Variants in NOL9 observed in about 807,000 individuals in gnomAD.
NOL9 encodes nucleolar protein 9.
Under a neutral mutation model 67.9 loss-of-function variants are expected in NOL9, and 28 were observed. The ratio of observed to expected loss-of-function variants is 0.41; its 90% CI spans 0.31 to 0.57. The LOEUF is 0.57. Among genes scored for constraint, NOL9 ranks in the 20% least tolerant of loss-of-function variants. The pLI is 0.25. For missense variants in NOL9, 777 were observed against 897.0 expected (o/e 0.87, Z 1.71); for synonymous variants, 356 against 352.2 (o/e 1.01, Z -0.12).
intron 5 of NOL9, among the ~76,000 whole-genome samples, chr1:6,544,544 C>CGCACGTACA (rs61278197): frequency 8.4e-6 from 1 of 118,666 alleles, no homozygotes; most frequent in Non-Finnish European, 1.6e-5. Context: ...CACACACGCA[C>CGCACGTACA]CCCCCCCCCG....
chr1:6,532,472 G>A lies in NOL9; in HGVS notation c.1526C>T (p.Pro509Leu), dbSNP rs762463377. The A allele has an allele frequency of 6.2e-7, 1 of 1,605,746 alleles. No homozygotes were observed. Among genetic ancestry groups the A allele is most frequent in the Non-Finnish European group, 8.5e-7 (1 of 1,174,014 alleles). Residue 509 changes from proline (P) to leucine (L), a missense_variant, in exon 8 of 12, where the codon CCA (proline) becomes CTA (leucine). Around this residue, in one of 2 missense-constraint regions of NOL9, gnomAD observed 413 missense variants for 552.6 expected, o/e 0.75. Coordinates refer to ENST00000377705, the MANE Select transcript of NOL9 (RefSeq NM_024654.5). ...VYTDFAFRIT[P>L]RNRESHNKIL... ...AATGAGGGTTAGTTACCTATTTCTTGGAGTTATTCTGAATGCAAAGTCTGT... is the reference window on the plus strand; with the variant it reads ...AATGAGGGTTAGTTACCTATTTCTTAGAGTTATTCTGAATGCAAAGTCTGT...
intron 5 of NOL9, among the ~76,000 whole-genome samples, chr1:6,542,509 G>A (rs1253525009): frequency 2.0e-5 from 3 of 149,532 alleles, no homozygotes; most frequent in African/African-American, 7.4e-5. Flanking sequence ...CCAGGTTGGA[G>A]TGCAGTGGCG....
At chr1:6,526,281 T>A (rs1468766314) in intron 11 of NOL9, among the ~76,000 whole-genome samples, 2 of 152,158 alleles carry the variant, frequency 1.3e-5, no homozygotes, top group East Asian at 3.9e-4. Flanking sequence ...TGAGGGACAC[T>A]GGAGGATGAG....
At chr1:6,540,754 A>C (rs1639268174) in intron 6 of NOL9, 1 of 151,952 alleles carries the variant, frequency 6.6e-6, no homozygotes, top group African/African-American at 2.4e-5. Context: ...CGAACTCAGG[A>C]GGCGGGGGTT....
rs1403015239 is a variant in NOL9, at chr1:6,521,652, C to T, written c.*4202G>A. ...TCTTTGACCACAGGAAGCTTGGTAG[C>T]AACAATTTTAAGGTGAACCTGCCAG... On this transcript the variant is annotated 3_prime_UTR_variant, in exon 12 of 12. Coordinates refer to ENST00000377705, the MANE Select transcript of NOL9 (RefSeq NM_024654.5). 6.6e-6 allele frequency: 1 copy of T among 152,198 alleles called. No individual in the cohort carries two copies. The highest frequency in any genetic ancestry group is 1.5e-5 in the Non-Finnish European group (1 of 68,032). The allele number at this position is 152,198 out of a possible 1,614,324, so 9.4% of individuals were successfully genotyped here.
intron 6 of NOL9, among the ~76,000 whole-genome samples, chr1:6,537,785 A>C (rs1415021824): frequency 1.3e-5 from 2 of 152,126 alleles, no homozygotes; most frequent in Non-Finnish European, 2.9e-5. Flanking sequence ...TCCTTACACT[A>C]TATGAAAATA....
At chr1:6,542,104 G>A (rs1271903598) in intron 5 of NOL9, among the ~76,000 whole-genome samples, 177 bp from the exon 6 acceptor site, 1 of 151,414 alleles carries the variant, frequency 6.6e-6, no homozygotes, top group Non-Finnish European at 1.5e-5. Flanking sequence ...CCAGAGAAAC[G>A]CAGTGCAGGC....
At chr1:6,532,384 G>T in intron 8 of NOL9, 79 bp downstream of exon 8, 3 of 1,341,894 alleles carry the variant, frequency 2.2e-6, no homozygotes, top group East Asian at 2.3e-5. Flanking sequence ...GAGGACTCAG[G>T]CCTTTAGAGG....
At chr1:6,538,780 C>T (rs919776599) in intron 6 of NOL9, among the ~76,000 whole-genome samples, 3 of 152,040 alleles carry the variant, frequency 2.0e-5, no homozygotes, top group African/African-American at 2.4e-5. Flanking sequence ...GCCAGGAGTT[C>T]GAGACCAGCC....
intron 1 of NOL9, among the ~76,000 whole-genome samples, chr1:6,550,825 A>G (rs1639530168): frequency 6.6e-6 from 1 of 151,956 alleles, no homozygotes; most frequent in Admixed American, 6.6e-5. Flanking sequence ...CTGGGATTAC[A>G]GGTAAGTGTC....
chr1:6,536,345 CAAATA>C (rs70981383), intron 6 of NOL9, among the ~76,000 whole-genome samples: 120,739 of 149,858 alleles, frequency 0.81, 49,504 homozygotes, highest in Non-Finnish European at 0.87. Context: ...GACTCCGTCT[CAAATA>C]AAATAAAATA....
rs1249963593 is a variant in NOL9, at chr1:6,550,631, A to G, written c.397-16T>C. The G allele has an allele frequency of 1.9e-6, 3 of 1,571,776 alleles. No individual in the cohort carries two copies. Among genetic ancestry groups the G allele is most frequent in the Non-Finnish European group, 1.8e-6 (2 of 1,142,486 alleles). The stretch of plus-strand genomic sequence containing the variant: ...AAGTAAAACCCTAGCAGGGAGAGAA[A>G]ACAGAAAAAACATTATAGATCATGT... On this transcript the variant is annotated splice_polypyrimidine_tract_variant and intron_variant, in intron 1 of 11. Transcript: ENST00000377705.
chr1:6,548,381 A>C, intron 3 of NOL9: 1 of 202,604 alleles, frequency 4.9e-6, no homozygotes, highest in South Asian at 9.2e-5. Flanking sequence ...TCCTAACCTG[A>C]AGTGATCTGC....
chr1:6,554,483 A>T lies in NOL9; in HGVS notation c.20T>A (p.Leu7Gln). The T allele has an allele frequency of 1.3e-6, 2 of 1,543,472 alleles. No individual in the cohort carries two copies. The highest frequency in any genetic ancestry group is 1.7e-6 in the Non-Finnish European group (2 of 1,158,176). MADSGL[L>Q]LKRGSCRSTW... is the part of the protein sequence containing the mutation. ...GGAACGGCAGGAACCCCGCTTTAGC[A>T]GCAGTCCCGAGTCCGCCATGCTGGG... The change falls in exon 1 of 12, where the codon CTG (leucine) becomes CAG (glutamine). Residue 7 changes from leucine (L) to glutamine (Q), a missense_variant. Physicochemically the swap from Leu to Gln is moderately radical, Grantham distance 113. This residue lies in a region of NOL9 where 364 missense variants were observed against 344.4 expected (regional missense o/e 1.06). Coordinates refer to ENST00000377705, the MANE Select transcript of NOL9 (RefSeq NM_024654.5).
intron 6 of NOL9, among the ~76,000 whole-genome samples, chr1:6,537,037 A>G (rs975964169): frequency 6.6e-6 from 1 of 152,072 alleles, no homozygotes; most frequent in African/African-American, 2.4e-5. Flanking sequence ...CGGTAATGGC[A>G]TAAAAAAAGA....
At chr1:6,535,535 G>A (rs944759939) in intron 6 of NOL9, among the ~76,000 whole-genome samples, 2 of 152,154 alleles carry the variant, frequency 1.3e-5, no homozygotes, top group Non-Finnish European at 2.9e-5. Context: ...GGAGGTGGCC[G>A]GCAGGGCAGA....
At chr1:6,529,718 G>A (rs1002687169) in intron 9 of NOL9, among the ~76,000 whole-genome samples, 13 of 152,294 alleles carry the variant, frequency 8.5e-5, no homozygotes, top group Non-Finnish European at 1.3e-4. Flanking sequence ...TTGAGGTCAG[G>A]AATTTGAGAC....
chr1:6,542,055 G>A lies in NOL9; in HGVS notation c.978-128C>T, dbSNP rs192293289. On this transcript the variant is annotated intron_variant, in intron 5 of 11. Coordinates refer to ENST00000377705, the MANE Select transcript of NOL9 (RefSeq NM_024654.5). Reference sequence around the variant, plus strand: ...ATCCACCACACACAGCACTTTAGAAGTGAAGCCTCAAGATGACAATCGCTG... The same window carrying A: ...ATCCACCACACACAGCACTTTAGAAATGAAGCCTCAAGATGACAATCGCTG... 2.7e-4 allele frequency: 134 copies of A among 491,678 alleles called. 1 individual carries two copies. In the East Asian group the frequency reaches 4.2e-3, roughly 15 times the overall value. The allele number at this position is 491,678 out of a possible 1,614,324, so 30.5% of individuals were successfully genotyped here.
rs371155768 is a variant in NOL9, at chr1:6,532,694, C to T, written c.1304G>A (p.Arg435His). 1.7e-5 allele frequency: 27 copies of T among 1,613,982 alleles called. No individual in the cohort carries two copies. The highest frequency in any genetic ancestry group is 2.7e-5 in the African/African-American group (2 of 74,890). Reference protein sequence around the residue: ...LLSPSHVVQFRSDHSKYMPDL... With the variant: ...LLSPSHVVQFHSDHSKYMPDL... ...TGGCATATATTTACTGTGGTCAGAG[C>T]GGAACTGAACCACGTGGCTGGGAGA... is the stretch of plus-strand genomic sequence containing the variant. Residue 435 changes from arginine (R) to histidine (H), a missense_variant, in exon 8 of 12, where the codon CGC becomes CAC. Transcript: ENST00000377705.
Sources: allele counts gnomAD v4.1 joint callset (sites outside exome capture counted in the v4.1 genomes callset), GRCh38; gene constraint gnomAD v4.1.1; regional missense constraint gnomAD v4.1.1; transcripts MANE v1.5; gene names NCBI Gene and HGNC (gene_info 2026-07-23, HGNC 2026-07-21).